Variants in ALS2 observed in about 807,000 individuals in gnomAD.
ALS2 encodes alsin Rho guanine nucleotide exchange factor ALS2.
Under a neutral mutation model 203.4 loss-of-function variants are expected in ALS2, and 117 were observed. The observed-to-expected ratio is 0.58, with a 90% confidence interval of 0.50 to 0.67. ALS2 has a LOEUF of 0.67. Ranked by LOEUF, ALS2 falls within the 30% of genes least tolerant of loss-of-function variation. The pLI, the probability that ALS2 is intolerant of heterozygous loss-of-function variation, is 0.00. For missense variants in ALS2, 1,715 were observed against 1,989.4 expected, an observed-to-expected ratio of 0.86 and a Z score of 2.62; for synonymous variants, 718 against 725.9, an observed-to-expected ratio of 0.99 and a Z score of 0.17.
intron 25 of ALS2, among the ~76,000 whole-genome samples, chr2:201,714,283 G>C (rs1472597092): frequency 6.6e-6 from 1 of 152,168 alleles, no homozygotes; most frequent in Middle Eastern, 3.2e-3. Flanking sequence ...CTGTAAGCTG[G>C]GACTGTGGAA....
chr2:201,778,957 T>C (rs41308802), intron 1 of ALS2, among the ~76,000 whole-genome samples: 2 of 152,182 alleles, frequency 1.3e-5, no homozygotes, highest in African/African-American at 4.8e-5. Context: ...TAAATAATTG[T>C]AGATTTTTAC....
At chr2:201,747,775 A>G (rs1692767797) in intron 8 of ALS2, among the ~76,000 whole-genome samples, 2 of 152,084 alleles carry the variant, frequency 1.3e-5, no homozygotes, top group Non-Finnish European at 2.9e-5. Context: ...CAAGCACTCC[A>G]CAGGTGATTC....
chr2:201,714,352 C>T (rs1690234805), intron 25 of ALS2, among the ~76,000 whole-genome samples: 1 of 152,176 alleles, frequency 6.6e-6, no homozygotes, highest in Non-Finnish European at 1.5e-5. Flanking sequence ...AAACCCTGGG[C>T]ACTGAGTCTC....
intron 1 of ALS2, chr2:201,779,835 C>G (rs1323621033): frequency 6.6e-6 from 1 of 152,096 alleles, no homozygotes; most frequent in Admixed American, 6.6e-5. Context: ...CTTATGTTAT[C>G]AAGGTTAAAA....
rs1468935695 is a variant in ALS2 at position 201,741,711 on chromosome 2, G to A, written c.2314C>T (p.Leu772=). Residue 772 remains leucine, a synonymous_variant, in exon 11 of 34, where the codon CTG becomes TTG. Coordinates refer to ENST00000264276, the MANE Select transcript of ALS2 (RefSeq NM_020919.4). ...GVKEARSLVI[L]KHSSLFLDSY... ...TCCAAGAAGAGACTTGAATGCTTCA[G>A]GATGACCAAACTCCTGGCTTCCTTT... 5 of 1,614,074 alleles carry A rather than the reference G, an allele frequency of 3.1e-6. No individual in the cohort carries two copies. Among genetic ancestry groups the A allele is most frequent in the South Asian group, 1.1e-5 (1 of 91,072 alleles).
intron 4 of ALS2, chr2:201,760,470 AAAG>A (rs1385086546): frequency 1.0e-6 from 1 of 996,560 alleles, no homozygotes; most frequent in African/African-American, 1.7e-5. Flanking sequence ...CTTCCCTGTT[AAAG>A]AAGGAAAAGA....
At chr2:201,746,331 T>C (rs917014823) in intron 9 of ALS2, among the ~76,000 whole-genome samples, 10 of 152,160 alleles carry the variant, frequency 6.6e-5, no homozygotes, top group Non-Finnish European at 1.3e-4. Context: ...TCTTACATTA[T>C]AGTAAGGAGG....
chr2:201,708,058 C>G, intron 27 of ALS2, 67 bp from the exon 28 acceptor site: 1 of 1,471,580 alleles, frequency 6.8e-7, no homozygotes, highest in South Asian at 1.2e-5. Flanking sequence ...CATAAAAACA[C>G]ATTTCCATTA....
intron 17 of ALS2, 128 bp from the exon 18 acceptor site, chr2:201,726,994 A>G (rs1691216065): frequency 3.3e-6 from 3 of 920,308 alleles, no homozygotes; most frequent in Non-Finnish European, 5.1e-6. Context: ...TAATAGAGTA[A>G]TATTGACTGG....
chr2:201,751,010 G>A (rs1221876751), intron 7 of ALS2, among the ~76,000 whole-genome samples: 5 of 151,906 alleles, frequency 3.3e-5, no homozygotes, highest in South Asian at 2.1e-4. Context: ...CTGTCATCAC[G>A]CCCGGCTAAC....
intron 8 of ALS2, 38 bp from the exon 9 acceptor site, chr2:201,746,786 G>C (rs1229754564): frequency 3.1e-6 from 5 of 1,611,272 alleles, no homozygotes; most frequent in Non-Finnish European, 4.2e-6. Flanking sequence ...CCAAGATAAA[G>C]GCAATCAGAG....
intron 25 of ALS2, 140 bp downstream of exon 25, chr2:201,715,532 G>C: frequency 3.2e-6 from 3 of 939,254 alleles, no homozygotes; most frequent in Non-Finnish European, 4.9e-6. Context: ...GATAAAGAAA[G>C]TGTGTTTTAA....
chr2:201,710,428 AT>A (rs1481559180), intron 26 of ALS2, among the ~76,000 whole-genome samples: 1 of 33,866 alleles, frequency 3.0e-5, no homozygotes, highest in East Asian at 1.2e-3. Flanking sequence ...GAGAACCCCC[AT>A]ATCTAAAAAA....
intron 13 of ALS2, among the ~76,000 whole-genome samples, chr2:201,731,130 ATTACT>A (rs1691527520): frequency 6.6e-6 from 1 of 152,166 alleles, no homozygotes; most frequent in South Asian, 2.1e-4. Flanking sequence ...TTTATGAGTA[ATTACT>A]TTACTTGCTA....
rs573115518 is a variant in ALS2, at chr2:201,715,400, G to A, written c.4004+272C>T. 4.6e-5 allele frequency among the ~76,000 whole-genome samples: 7 copies of A among 152,126 alleles called. 1 individual carries two copies. The South Asian group carries it at 1.0e-3, about 23-fold the overall frequency. On this transcript the variant is annotated intron_variant, in intron 25 of 33. Coordinates refer to ENST00000264276, the MANE Select transcript of ALS2 (RefSeq NM_020919.4). ...AAAACATCTAAGTAAACTCACCACTGGTTTTGTGGTACTTTGAATTCAGGT... is the reference window on the plus strand; with the variant it reads ...AAAACATCTAAGTAAACTCACCACTAGTTTTGTGGTACTTTGAATTCAGGT...
intron 1 of ALS2, among the ~76,000 whole-genome samples, chr2:201,769,440 A>G (rs571568346): frequency 6.6e-6 from 1 of 152,370 alleles, no homozygotes; most frequent in Non-Finnish European, 1.5e-5. Context: ...TGTCATTAAA[A>G]TAGGAAGTTT....
At chr2:201,704,021 A>G (rs1184082748) in intron 33 of ALS2, 101 bp downstream of exon 33, 9 of 996,928 alleles carry the variant, frequency 9.0e-6, no homozygotes, top group Non-Finnish European at 1.1e-5. Flanking sequence ...TAAGGTTTGC[A>G]TTAAACTTTT....
At position 201,746,580 on chromosome 2, in the gene ALS2, G is replaced by A. The variant is rs560107386; in HGVS notation, c.1984C>T (p.Leu662Phe). Reference protein sequence around the residue: ...NHSGSKTPVLLSCSKLGYISR... With the variant: ...NHSGSKTPVLFSCSKLGYISR... Reference sequence around the variant, plus strand: ...TTCCTGTTCACCTTACTACAGGAGAGAAGTACTGGAGTCTTAGAACCACTG... The same window carrying A: ...TTCCTGTTCACCTTACTACAGGAGAAAAGTACTGGAGTCTTAGAACCACTG... Residue 662 changes from leucine to phenylalanine, a missense_variant, in exon 9 of 34, where the codon CTC becomes TTC. Physicochemically the swap from Leu to Phe is conservative, Grantham distance 22. Around this residue, in one of 3 missense-constraint regions of ALS2, gnomAD observed 1,227 missense variants for 1,413.5 expected, o/e 0.87. Coordinates refer to ENST00000264276, the MANE Select transcript of ALS2 (RefSeq NM_020919.4). 3.1e-6 allele frequency: 5 copies of A among 1,614,188 alleles called. No homozygotes were observed. Among genetic ancestry groups the A allele is most frequent in the Non-Finnish European group, 4.2e-6 (5 of 1,180,016 alleles).
intron 13 of ALS2, among the ~76,000 whole-genome samples, chr2:201,732,680 T>C (rs1459680033): frequency 2.0e-5 from 3 of 152,214 alleles, no homozygotes. Context: ...CATATTTCGA[T>C]GGGATTTGAA....
Sources: gnomAD v4.1 joint callset for allele counts (sites outside exome capture counted in the v4.1 genomes callset) on GRCh38, gnomAD v4.1.1 for gene constraint, gnomAD v4.1.1 regional missense constraint, MANE v1.5 for transcripts, NCBI Gene and HGNC (gene_info 2026-07-23, HGNC 2026-07-21) for gene names.